Variants in FLOT2 observed in about 807,000 individuals in gnomAD.
FLOT2 encodes the protein flotillin-2.
Under a neutral mutation model 54.9 loss-of-function variants are expected in FLOT2, and 35 were observed. That is an observed-to-expected ratio of 0.64 (90% confidence interval 0.49 to 0.84). The LOEUF is 0.84. Among genes scored for constraint, FLOT2 ranks in the 40% least tolerant of loss-of-function variants. The pLI is 0.00. For synonymous variants in FLOT2, 207 were observed against 228.9 expected (o/e 0.90, Z 0.86); for missense variants, 464 against 572.1 (o/e 0.81, Z 1.93).
Position 28,880,263 on chromosome 17 carries a change from T to G in FLOT2, c.*298A>C. On this transcript the variant is annotated 3_prime_UTR_variant, in exon 11 of 11. Coordinates refer to ENST00000394908, the MANE Select transcript of FLOT2 (RefSeq NM_004475.3). ...GTGATTGTAATAAACATCTTCAGCT[T>G]AATCTACATGATGTGCATGGGGGAA... The G allele has an allele frequency of 7.8e-7, 1 of 1,279,304 alleles. No individual in the cohort carries two copies. 79.2% of individuals were successfully genotyped at this position (1,279,304 alleles called of 1,614,324 possible).
At chr17:28,896,946 A>C (rs1338374701) in intron 1 of FLOT2, among the ~76,000 whole-genome samples, 2 of 152,198 alleles carry the variant, frequency 1.3e-5, no homozygotes, top group African/African-American at 4.8e-5. Flanking sequence ...TTGCAATCCC[A>C]AACTGCACTG....
chr17:28,897,502 C>G lies in FLOT2; in HGVS notation c.49+24G>C. The stretch of plus-strand genomic sequence containing the variant: ...CCACCCCGAGCACCCTCCACAGCTC[C>G]CACCTTCCTCGCCGCCCCCTCACCT... On this transcript the variant is annotated intron_variant, in intron 1 of 10. Coordinates refer to ENST00000394908, the MANE Select transcript of FLOT2 (RefSeq NM_004475.3). The surrounding 1 kb of genome is among the most constrained non-coding windows in gnomAD (Gnocchi z 4.4). 6.3e-7 allele frequency: 1 copy of G among 1,599,154 alleles called. No individual in the cohort carries two copies. Among genetic ancestry groups the G allele is most frequent in the Non-Finnish European group, 8.5e-7 (1 of 1,173,012 alleles).
At position 28,880,469 on chromosome 17, in the gene FLOT2, G is replaced by C; in HGVS notation, c.*92C>G. 6.4e-7 allele frequency: 1 copy of C among 1,550,944 alleles called. No homozygotes were observed. The highest frequency in any genetic ancestry group is 8.7e-7 in the Non-Finnish European group (1 of 1,148,060). On this transcript the variant is annotated 3_prime_UTR_variant, in exon 11 of 11. Coordinates refer to ENST00000394908, the MANE Select transcript of FLOT2 (RefSeq NM_004475.3). ...CTGGTCCCTTCGAGATAAGGCACCA[G>C]AGTCAGTAACGTTCCCGTTGTTCTG...
At chr17:28,886,082 T>G in intron 2 of FLOT2, 1 of 630,778 alleles carries the variant, frequency 1.6e-6, no homozygotes, top group Non-Finnish European at 2.9e-6. Flanking sequence ...CTGTCAGTAA[T>G]CCAACCCCCC....
intron 1 of FLOT2, chr17:28,892,359 T>TA (rs1204421955): frequency 7.3e-6 from 1 of 137,332 alleles, no homozygotes; most frequent in East Asian, 2.0e-4. Context: ...GGCCACTCTT[T>TA]TTTTTTTTTT....
Position 28,879,448 on chromosome 17 carries a change from G to T in FLOT2, c.*1113C>A. The T allele has an allele frequency of 1.0e-6, 1 of 987,886 alleles. No individual in the cohort carries two copies. Among genetic ancestry groups the T allele is most frequent in the Non-Finnish European group, 1.2e-6 (1 of 830,214 alleles). 61.2% of individuals were successfully genotyped at this position (987,886 alleles called of 1,614,324 possible). ...TCCACATGCAGGAAGAGCTACACAG[G>T]CTGGGGCAGGGCCAGGGTGGGGAGC... On this transcript the variant is annotated 3_prime_UTR_variant, in exon 11 of 11. Transcript: ENST00000394908.
intron 1 of FLOT2, among the ~76,000 whole-genome samples, chr17:28,894,598 T>C (rs1384874183): frequency 4.3e-5 from 6 of 139,736 alleles, no homozygotes; most frequent in African/African-American, 1.6e-4. Context: ...CACTCCAGCC[T>C]GGGCAACAGA....
At chr17:28,881,399 G>T (rs1225280243) in intron 8 of FLOT2, 24 bp from the exon 9 acceptor site, 3 of 1,605,108 alleles carry the variant, frequency 1.9e-6, no homozygotes, top group African/African-American at 2.7e-5. Context: ...GGCCAGTTAG[G>T]ATCAGTGGGA....
intron 1 of FLOT2, among the ~76,000 whole-genome samples, chr17:28,889,633 G>A (rs984122470): frequency 2.0e-5 from 3 of 151,148 alleles, no homozygotes; most frequent in Non-Finnish European, 4.4e-5. Context: ...CGCCAGGCCA[G>A]CTTCCTTTTT....
At chr17:28,893,155 C>T (rs2039681706) in intron 1 of FLOT2, 1 of 152,274 alleles carries the variant, frequency 6.6e-6, no homozygotes, top group African/African-American at 2.4e-5. Context: ...GAGCACCCCT[C>T]CCAAGAGGCC....
chr17:28,897,521 C>A lies in FLOT2; in HGVS notation c.49+5G>T. 4 of 1,605,402 alleles carry A rather than the reference C, an allele frequency of 2.5e-6. No homozygotes were observed. Among genetic ancestry groups the A allele is most frequent in the Non-Finnish European group, 3.4e-6 (4 of 1,176,270 alleles). On this transcript the variant is annotated splice_donor_5th_base_variant and intron_variant, in intron 1 of 10. Transcript: ENST00000394908. This position sits in a 1 kb window ranked among gnomAD's most constrained non-coding sequence, Gnocchi z 4.4. ...CAGCTCCCACCTTCCTCGCCGCCCC[C>A]TCACCTGAAACCACCAGCGCCTCGT...
intron 1 of FLOT2, among the ~76,000 whole-genome samples, chr17:28,889,884 T>C (rs2039615913): frequency 6.6e-6 from 1 of 152,206 alleles, no homozygotes; most frequent in South Asian, 2.1e-4. Flanking sequence ...GTGATCCACC[T>C]GCCTCAGCCT....
At chr17:28,888,906 C>T in intron 2 of FLOT2, 39 bp downstream of exon 2, 8 of 1,539,684 alleles carry the variant, frequency 5.2e-6, no homozygotes, top group Non-Finnish European at 7.2e-6. Context: ...CTCTCCCTGG[C>T]CCACTCCATG....
chr17:28,897,441 G>T lies in FLOT2; in HGVS notation c.49+85C>A. On this transcript the variant is annotated intron_variant, in intron 1 of 10. Transcript: ENST00000394908. The surrounding 1 kb of genome is among the most constrained non-coding windows in gnomAD (Gnocchi z 4.4). Reference sequence around the variant, plus strand: ...GCCCTGCGCCGCGCGGTGGACTCAGGCCCAGCTCTTCCCCGTGCACTCCCC... The same window carrying T: ...GCCCTGCGCCGCGCGGTGGACTCAGTCCCAGCTCTTCCCCGTGCACTCCCC... The T allele has an allele frequency of 2.2e-6, 3 of 1,339,618 alleles. No homozygotes were observed. Among genetic ancestry groups the T allele is most frequent in the Non-Finnish European group, 3.1e-6 (3 of 977,824 alleles). 83.0% of individuals were successfully genotyped at this position (1,339,618 alleles called of 1,614,324 possible).
chr17:28,888,995 G>T lies in FLOT2; in HGVS notation c.81C>A (p.Tyr27Ter). 3.7e-6 allele frequency: 6 copies of T among 1,614,132 alleles called. No homozygotes were observed. The highest frequency in any genetic ancestry group is 4.2e-6 in the Non-Finnish European group (5 of 1,180,002). ...GGCCGSDYKQ[Y>*]VFGGWAWAWW... ...AGGCCCAGGCCCAGCCGCCAAACAC[G>T]TACTGTTTATAGTCGGAACCACAAC... Residue 27 changes from tyrosine to a stop codon, truncating the protein, a stop_gained, in exon 2 of 11, where the codon TAC becomes TAA. Coordinates refer to ENST00000394908, the MANE Select transcript of FLOT2 (RefSeq NM_004475.3). LOFTEE classifies it high-confidence loss of function.
chr17:28,883,452 T>C lies in FLOT2; in HGVS notation c.223-221A>G, dbSNP rs889045155. Among the ~76,000 whole-genome samples the C allele has an allele frequency of 1.3e-5, 2 of 152,166 alleles. No homozygotes were observed. The highest frequency in any genetic ancestry group is 2.4e-5 in the African/African-American group (1 of 41,440). ...CTCCTGCACTGACAGCCCCAGGCCC[T>C]GCCACGGCCTCTCCTGGGCATTCGG... On this transcript the variant is annotated intron_variant, in intron 3 of 10. Coordinates refer to ENST00000394908, the MANE Select transcript of FLOT2 (RefSeq NM_004475.3). The surrounding 1 kb of genome is among the most constrained non-coding windows in gnomAD (Gnocchi z 5.0).
chr17:28,897,726 G>A lies in FLOT2; in HGVS notation c.-152C>T, dbSNP rs1312300636. On this transcript the variant is annotated 5_prime_UTR_variant, in exon 1 of 11. Transcript: ENST00000394908. This position sits in a 1 kb window ranked among gnomAD's most constrained non-coding sequence, Gnocchi z 4.4. ...GCCCCTCTGCGGTCGCAGCCCCGCC[G>A]GAAGTGTGGCGGCGGAGGGCGGGGC... The A allele has an allele frequency of 3.5e-6, 2 of 563,474 alleles. No homozygotes were observed. Among genetic ancestry groups the A allele is most frequent in the Admixed American group, 4.7e-5 (1 of 21,490 alleles). 34.9% of individuals were successfully genotyped at this position (563,474 alleles called of 1,614,324 possible).
In FLOT2 at chr17:28,884,344, G is replaced by A; in HGVS notation, c.132-29C>T. ...CCAAGAAACGCAAAACAGGGGCATG[G>A]GTCTGGGGGCGCAGGGCCTGGTGGT... On this transcript the variant is annotated intron_variant, in intron 2 of 10. Coordinates refer to ENST00000394908, the MANE Select transcript of FLOT2 (RefSeq NM_004475.3). This position sits in a 1 kb window ranked among gnomAD's most constrained non-coding sequence, Gnocchi z 5.1. The A allele has an allele frequency of 2.0e-6, 3 of 1,486,060 alleles. No individual in the cohort carries two copies. Among genetic ancestry groups the A allele is most frequent in the Non-Finnish European group, 2.8e-6 (3 of 1,072,962 alleles). The allele number at this position is 1,486,060 out of a possible 1,614,324, so 92.1% of individuals were successfully genotyped here.
At chr17:28,886,045 TGAC>T in intron 2 of FLOT2, 1 of 522,472 alleles carries the variant, frequency 1.9e-6, no homozygotes, top group East Asian at 3.3e-5. Flanking sequence ...CACCGATGCC[TGAC>T]GCCTGGGGGC....
Sources: allele counts gnomAD v4.1 joint callset (sites outside exome capture counted in the v4.1 genomes callset), GRCh38; gene constraint gnomAD v4.1.1; non-coding constraint Gnocchi (gnomAD v3.1); transcripts MANE v1.5; gene names NCBI Gene and HGNC (gene_info 2026-07-23, HGNC 2026-07-21).